Variants in MINDY4 observed in about 807,000 individuals in gnomAD.
MINDY4 encodes probable ubiquitin carboxyl-terminal hydrolase MINDY-4.
Under a neutral mutation model 87.0 loss-of-function variants are expected in MINDY4, and 68 were observed. That is an observed-to-expected ratio of 0.78 (90% CI 0.64 to 0.96). The LOEUF is 0.96. MINDY4 is among the 40% of genes least tolerant of loss of function. The pLI is 0.00. For missense variants in MINDY4, 919 were observed against 928.2 expected (o/e 0.99, Z 0.13); for synonymous variants, 379 against 363.2 (o/e 1.04, Z -0.50).
chr7:30,807,185 A>G (rs1183802855), intron 5 of MINDY4, among the ~76,000 whole-genome samples: 1 of 152,192 alleles, frequency 6.6e-6, no homozygotes, highest in African/African-American at 2.4e-5. Flanking sequence ...AGCCACGTCC[A>G]TTATTTCATG....
intron 5 of MINDY4, among the ~76,000 whole-genome samples, chr7:30,805,345 G>A (rs1042968961): frequency 1.3e-5 from 2 of 152,208 alleles, no homozygotes; most frequent in African/African-American, 4.8e-5. Context: ...TCAGGAAGAA[G>A]ATGAGTTGTT....
chr7:30,879,904 CT>C (rs1312396438), intron 15 of MINDY4, among the ~76,000 whole-genome samples: 1 of 150,534 alleles, frequency 6.6e-6, no homozygotes, highest in African/African-American at 2.5e-5. Context: ...GTGTGTCAGA[CT>C]TTGACACACC....
chr7:30,853,486 G>C lies in MINDY4; in HGVS notation c.1677+27G>C, dbSNP rs1164528793. ...TATGAAGCATGCCTTACTCCTGTGG[G>C]ATGTGCGTCACTAAGCCTTCTGATT... On this transcript the variant is annotated intron_variant, in intron 12 of 17. Coordinates refer to ENST00000265299, the MANE Select transcript of MINDY4 (RefSeq NM_032222.3). The C allele has an allele frequency of 1.9e-6, 3 of 1,571,488 alleles. No individual in the cohort carries two copies. The South Asian group carries it at 3.4e-5, about 18-fold the overall frequency.
At chr7:30,852,476 A>T (rs557173587) in intron 11 of MINDY4, 197 bp downstream of exon 11, 8 of 616,520 alleles carry the variant, frequency 1.3e-5, no homozygotes, top group Non-Finnish European at 1.4e-5. Flanking sequence ...AGCTGGCTTT[A>T]CGGCCAAAAG....
chr7:30,848,014 A>G (rs1212710619), intron 9 of MINDY4, among the ~76,000 whole-genome samples: 1 of 152,216 alleles, frequency 6.6e-6, no homozygotes, highest in Admixed American at 6.5e-5. Flanking sequence ...GATTACAGAC[A>G]TGAACCACTG....
At chr7:30,810,660 A>C (rs1787964235) in intron 5 of MINDY4, among the ~76,000 whole-genome samples, 1 of 152,204 alleles carries the variant, frequency 6.6e-6, no homozygotes, top group Admixed American at 6.5e-5. Context: ...AAGAGTCTAT[A>C]AAAATCTTAC....
chr7:30,868,013 G>A (rs1355275613), intron 13 of MINDY4, among the ~76,000 whole-genome samples: 3 of 152,242 alleles, frequency 2.0e-5, no homozygotes, highest in South Asian at 2.1e-4. Context: ...GTCAGGGGCC[G>A]AGTGGACGCT....
At chr7:30,881,108 G>A (rs1488278418) in intron 15 of MINDY4, among the ~76,000 whole-genome samples, 1 of 152,194 alleles carries the variant, frequency 6.6e-6, no homozygotes, top group African/African-American at 2.4e-5. Context: ...GGGCTGGTAG[G>A]GATTAGGCCA....
At chr7:30,882,833 G>T in intron 16 of MINDY4, 88 bp from the exon 17 acceptor site, 1 of 1,150,732 alleles carries the variant, frequency 8.7e-7, no homozygotes, top group South Asian at 1.3e-5. Context: ...GGACTAGAAG[G>T]GGGCGGGTCT....
At chr7:30,887,576 T>C (rs1183938547) in intron 17 of MINDY4, among the ~76,000 whole-genome samples, 2 of 152,148 alleles carry the variant, frequency 1.3e-5, no homozygotes, top group East Asian at 3.9e-4. Flanking sequence ...CTTTGAAGCG[T>C]GAGCCAGCGA....
chr7:30,883,523 A>G (rs866004475), intron 17 of MINDY4, among the ~76,000 whole-genome samples: 9 of 151,770 alleles, frequency 5.9e-5, no homozygotes, highest in South Asian at 2.1e-4. Context: ...GGGAGCTTCA[A>G]CTCCTCTGAC....
At chr7:30,775,084 A>G (rs768009432) in intron 1 of MINDY4, among the ~76,000 whole-genome samples, 3 of 151,958 alleles carry the variant, frequency 2.0e-5, no homozygotes, top group Admixed American at 2.0e-4. Flanking sequence ...ATGTATGGGG[A>G]TTTTTCCTCC....
At chr7:30,852,409 TC>T in intron 11 of MINDY4, 130 bp downstream of exon 11, 1 of 1,511,198 alleles carries the variant, frequency 6.6e-7, no homozygotes, top group Non-Finnish European at 8.9e-7. Flanking sequence ...GGAATCCTCA[TC>T]CTGGGATTAG....
chr7:30,891,702 G>T (rs16875372), intron 17 of MINDY4, among the ~76,000 whole-genome samples: 3 of 152,094 alleles, frequency 2.0e-5, no homozygotes, highest in Non-Finnish European at 2.9e-5. Context: ...CGCAAAGTAG[G>T]TTGTGGCACA....
intron 12 of MINDY4, among the ~76,000 whole-genome samples, chr7:30,854,909 G>T (rs1789526558): frequency 6.6e-6 from 1 of 152,228 alleles, no homozygotes; most frequent in South Asian, 2.1e-4. Context: ...CTCAGGGCCT[G>T]TCCCAAAAGC....
At chr7:30,848,857 A>T (rs1789308967) in intron 9 of MINDY4, among the ~76,000 whole-genome samples, 1 of 152,122 alleles carries the variant, frequency 6.6e-6, no homozygotes, top group South Asian at 2.1e-4. Flanking sequence ...AGATGTTGGA[A>T]ATCCACTTTC....
At chr7:30,841,933 T>G (rs1760211356) in intron 9 of MINDY4, among the ~76,000 whole-genome samples, 1 of 152,204 alleles carries the variant, frequency 6.6e-6, no homozygotes, top group Non-Finnish European at 1.5e-5. Context: ...TAAAAAAGCC[T>G]AGGTGTTACC....
At chr7:30,787,316 G>A (rs1787185333) in intron 4 of MINDY4, among the ~76,000 whole-genome samples, 1 of 152,296 alleles carries the variant, frequency 6.6e-6, no homozygotes, top group South Asian at 2.1e-4. Flanking sequence ...GTTGGAGAAG[G>A]ACATTCATAA....
At chr7:30,794,528 A>G (rs1168382850) in intron 5 of MINDY4, among the ~76,000 whole-genome samples, 2 of 152,128 alleles carry the variant, frequency 1.3e-5, no homozygotes, top group African/African-American at 4.8e-5. Flanking sequence ...GGGCAGGTGG[A>G]GGATGCAACC....
Sources: gnomAD v4.1 joint callset for allele counts (sites outside exome capture counted in the v4.1 genomes callset) on GRCh38, gnomAD v4.1.1 for gene constraint, MANE v1.5 for transcripts, NCBI Gene and HGNC (gene_info 2026-07-23, HGNC 2026-07-21) for gene names.